The following NRG1 variants were observed in gnomAD, a reference collection of about 807,000 sequenced individuals.
NRG1 encodes the protein neuregulin 1.
A neutral mutation model predicts 63.8 loss-of-function variants in NRG1; 18 were observed. That is an observed-to-expected ratio of 0.28 (90% CI 0.19 to 0.42). NRG1 has a LOEUF of 0.42. Among genes scored for constraint, NRG1 ranks in the 10% least tolerant of loss-of-function variants. The probability of loss-of-function intolerance (pLI) is 1.00; values close to 1 mark genes in which losing one functional copy is unlikely to be tolerated. For synonymous variants in NRG1, 302 were observed against 301.3 expected (o/e 1.00, Z -0.02); for missense variants, 762 against 814.7 (o/e 0.94, Z 0.79).
chr8:32,530,161 G>T (rs1224927150), intron 1 of NRG1, among the ~76,000 whole-genome samples: 1 of 151,720 alleles, frequency 6.6e-6, no homozygotes, highest in Non-Finnish European at 1.5e-5. Flanking sequence ...AGGCTGGAGT[G>T]CAGTGGTGCT....
chr8:32,202,958 C>T lies in NRG1; in HGVS notation c.38-392870C>T, dbSNP rs555148851. Among the ~76,000 whole-genome samples the T allele has an allele frequency of 1.5e-3, 234 of 151,856 alleles. 1 individual carries two copies. The highest frequency in any genetic ancestry group is 5.5e-3 in the African/African-American group (227 of 41,406). On this transcript the variant is annotated intron_variant, in intron 1 of 10. Transcript: ENST00000519301. ...TGCAGGTCTACGCTTGAGGGTGGAA[C>T]CCTCGCCAGGAACTCTTTTGCCTCC...
At chr8:32,748,702 C>A (rs556705382) in intron 7 of NRG1, 1 of 456,364 alleles carries the variant, frequency 2.2e-6, no homozygotes, top group Non-Finnish European at 4.4e-6. Flanking sequence ...GAAGTGATTT[C>A]ACTGGCTCTC....
chr8:32,375,728 C>T (rs1809537879), intron 1 of NRG1, among the ~76,000 whole-genome samples: 1 of 152,126 alleles, frequency 6.6e-6, no homozygotes, highest in Admixed American at 6.5e-5. Context: ...TTCCAGTAGC[C>T]CTTACAGCTA....
chr8:31,817,819 A>G (rs1823601988), intron 1 of NRG1, among the ~76,000 whole-genome samples: 2 of 152,230 alleles, frequency 1.3e-5, no homozygotes, highest in South Asian at 4.1e-4. Flanking sequence ...TGAAAATCAG[A>G]CTTGTCTAAA....
At chr8:32,485,656 C>T (rs569961500) in intron 1 of NRG1, among the ~76,000 whole-genome samples, 52 of 152,180 alleles carry the variant, frequency 3.4e-4, no homozygotes, top group Admixed American at 9.2e-4. Context: ...AGTTTGTTTC[C>T]CTGTTTCATT....
chr8:32,631,709 A>C (rs1850345489), intron 5 of NRG1, among the ~76,000 whole-genome samples: 1 of 152,220 alleles, frequency 6.6e-6, no homozygotes, highest in African/African-American at 2.4e-5. Flanking sequence ...TAGTAGATAT[A>C]AATAAGATAT....
chr8:32,260,780 G>A (rs16879060), intron 1 of NRG1, among the ~76,000 whole-genome samples: 2 of 152,014 alleles, frequency 1.3e-5, no homozygotes, highest in African/African-American at 4.8e-5. Flanking sequence ...CAGGGTAGCA[G>A]TATATGGCCT....
intron 1 of NRG1, among the ~76,000 whole-genome samples, chr8:32,342,056 C>T (rs7841599): frequency 0.52 from 78,947 of 151,872 alleles, 21,387 homozygotes; most frequent in Non-Finnish European, 0.61. Context: ...TTTTCTCATA[C>T]CCCCTCCTCT....
chr8:32,091,043 GC>G (rs1319468640), intron 1 of NRG1, among the ~76,000 whole-genome samples: 5 of 152,192 alleles, frequency 3.3e-5, no homozygotes, highest in Non-Finnish European at 7.3e-5. Context: ...ACTCTGGGAG[GC>G]CGAGGTGGGC....
intron 1 of NRG1, among the ~76,000 whole-genome samples, chr8:32,336,263 G>T (rs939221954): frequency 6.6e-6 from 1 of 152,190 alleles, no homozygotes; most frequent in South Asian, 2.1e-4. Context: ...ACTCTAGTGA[G>T]GGGGAGGTCA....
intron 1 of NRG1, among the ~76,000 whole-genome samples, chr8:32,370,083 T>C (rs900517202): frequency 6.6e-6 from 1 of 152,174 alleles, no homozygotes; most frequent in Non-Finnish European, 1.5e-5. Flanking sequence ...TGACATGAAC[T>C]GGCAAATGGC....
exon 12 of NRG1, chr8:32,767,433 G>A (rs1019161094): frequency 2.0e-5 from 3 of 152,128 alleles, no homozygotes; most frequent in Admixed American, 6.6e-5. Flanking sequence ...TTCTATCTGC[G>A]AAGACCTATG....
intron 1 of NRG1, among the ~76,000 whole-genome samples, chr8:31,666,871 G>A (rs1230345566): frequency 2.0e-5 from 3 of 152,156 alleles, no homozygotes; most frequent in African/African-American, 2.4e-5. Flanking sequence ...GCAGTCACAC[G>A]TTTCCCTGGT....
chr8:32,555,714 G>A lies in NRG1; in HGVS notation c.100+6888G>A, dbSNP rs569438324. Among the ~76,000 whole-genome samples the A allele has an allele frequency of 1.8e-3, 275 of 152,190 alleles. 1 individual carries two copies. Among genetic ancestry groups the A allele is most frequent in the Middle Eastern group, 0.01 (3 of 294 alleles). On this transcript the variant is annotated intron_variant, in intron 1 of 11. Transcript: ENST00000356819. ...TCTCCATCTCCTGACCTCGTGATCC[G>A]CCCGCCTTGGCCTCCCAAAGTGCTG...
At chr8:32,026,254 T>G (rs1817359388) in intron 1 of NRG1, 1 of 151,870 alleles carries the variant, frequency 6.6e-6, no homozygotes. Flanking sequence ...CCCAGTTGAC[T>G]ACTACCGGTA....
chr8:31,709,654 C>G (rs896190941), intron 1 of NRG1, among the ~76,000 whole-genome samples: 1 of 151,912 alleles, frequency 6.6e-6, no homozygotes, highest in Non-Finnish European at 1.5e-5. Flanking sequence ...TTTAGAGTTT[C>G]TATATCCTTT....
intron 1 of NRG1, among the ~76,000 whole-genome samples, chr8:32,316,688 T>G (rs966270680): frequency 2.6e-5 from 4 of 152,136 alleles, no homozygotes; most frequent in African/African-American, 9.7e-5. Flanking sequence ...CGTTACCTTT[T>G]CTTTACCTCA....
chr8:31,984,729 C>A (rs565408209), intron 1 of NRG1, among the ~76,000 whole-genome samples: 1 of 152,194 alleles, frequency 6.6e-6, no homozygotes, highest in East Asian at 1.9e-4. Context: ...ACCACAATTG[C>A]CAAGTCTGTT....
At chr8:32,270,992 T>C (rs1200835228) in intron 1 of NRG1, among the ~76,000 whole-genome samples, 3 of 152,206 alleles carry the variant, frequency 2.0e-5, no homozygotes, top group Non-Finnish European at 4.4e-5. Context: ...GTCTTTTTAT[T>C]TGGGGCTAAG....
Sources: allele counts gnomAD v4.1 joint callset (sites outside exome capture counted in the v4.1 genomes callset), GRCh38; gene constraint gnomAD v4.1.1; transcripts MANE v1.5; gene names NCBI Gene and HGNC (gene_info 2026-07-23, HGNC 2026-07-21).